Variants in PROX2 observed in about 807,000 individuals in gnomAD.
PROX2 encodes the protein prospero homeobox 2, also known as prospero homeobox protein 2.
Under a neutral mutation model 48.9 loss-of-function variants are expected in PROX2, and 46 were observed. The observed-to-expected ratio is 0.94, with a 90% CI of 0.74 to 1.20. The LOEUF is 1.20. Among genes scored for constraint, PROX2 ranks in the 50% most tolerant of loss-of-function variants. The pLI is 0.00. For synonymous variants in PROX2, 260 were observed against 276.6 expected (o/e 0.94, Z 0.60); for missense variants, 663 against 719.4 (o/e 0.92, Z 0.90).
At chr14:74,864,796 T>C (rs6574198) in intron 2 of PROX2, among the ~76,000 whole-genome samples, 97,412 of 150,618 alleles carry the variant, frequency 0.65, 33,414 homozygotes, top group African/African-American at 0.91. Context: ...GAGCCAAGAT[T>C]GCCCCGTTGC....
At chr14:74,872,917 C>T (rs1883249326) in intron 1 of PROX2, among the ~76,000 whole-genome samples, 1 of 152,230 alleles carries the variant, frequency 6.6e-6, no homozygotes, top group East Asian at 1.9e-4. Context: ...TGGTGGTCTG[C>T]ATCAACCACT....
intron 4 of PROX2, chr14:74,857,248 T>A (rs2091751347): frequency 2.7e-6 from 1 of 372,812 alleles, no homozygotes; most frequent in Non-Finnish European, 4.8e-6. Flanking sequence ...TGGGGGTTGT[T>A]TTACCCATGA....
intron 1 of PROX2, chr14:74,874,063 G>A (rs992921351): frequency 3.3e-5 from 17 of 522,666 alleles, no homozygotes; most frequent in South Asian, 1.1e-4. Context: ...TTATGAATCC[G>A]CCTTTTGGGA....
rs188448941 is a variant in PROX2 at position 74,868,309 on chromosome 14, G to A, written c.-175+2794C>T. 1.7e-3 allele frequency among the ~76,000 whole-genome samples: 126 copies of A among 74,234 alleles called. 4 individuals are homozygous for A. The East Asian group carries it at 0.047, about 28-fold the overall frequency. 48.7% of individuals were successfully genotyped at this position (74,234 alleles called of 152,430 possible). A position where few individuals can be genotyped will look rare whatever the true frequency, so the allele number is the denominator to read the frequency against. The stretch of plus-strand genomic sequence containing the variant: ...TGTACAGAGAAGTTTATAATTTCTC[G>A]TAATTATATATATATATATATATAT... On this transcript the variant is annotated intron_variant, in intron 2 of 5. Coordinates refer to ENST00000556489, the MANE Select transcript of PROX2 (RefSeq NM_001243007.2).
In PROX2 at chr14:74,853,402, G is replaced by C. The variant is rs1279954291; in HGVS notation, c.*1730C>G. On this transcript the variant is annotated 3_prime_UTR_variant, in exon 6 of 6. Transcript: ENST00000556489. ...CATGCTTGCCTGTGTTTAAAACTTAGGTTTGGCAGATTCCTTCATTTTTGT... is the reference window on the plus strand; with the variant it reads ...CATGCTTGCCTGTGTTTAAAACTTACGTTTGGCAGATTCCTTCATTTTTGT... 1 of 152,210 alleles carries C rather than the reference G, an allele frequency of 6.6e-6. No homozygotes were observed. The highest frequency in any genetic ancestry group is 1.5e-5 in the Non-Finnish European group (1 of 68,064). 9.4% of individuals were successfully genotyped at this position (152,210 alleles called of 1,614,324 possible).
chr14:74,861,854 G>C (rs1480525432), intron 3 of PROX2, among the ~76,000 whole-genome samples: 1 of 152,196 alleles, frequency 6.6e-6, no homozygotes, highest in Non-Finnish European at 1.5e-5. Flanking sequence ...CTATGGGGTT[G>C]GGGAGGCCAT....
intron 1 of PROX2, chr14:74,873,930 G>T: frequency 4.2e-6 from 2 of 473,314 alleles, no homozygotes; most frequent in Admixed American, 2.3e-5. Flanking sequence ...ATTTGACAGA[G>T]ATGAAGATGT....
chr14:74,870,564 TC>T (rs1052144669), intron 2 of PROX2, among the ~76,000 whole-genome samples: 104 of 152,144 alleles, frequency 6.8e-4, no homozygotes, highest in Non-Finnish European at 1.3e-3. Context: ...TTTTTATTTT[TC>T]TGAATTTTCT....
intron 3 of PROX2, among the ~76,000 whole-genome samples, chr14:74,860,249 C>T (rs1211758297): frequency 6.6e-6 from 1 of 152,232 alleles, no homozygotes; most frequent in Non-Finnish European, 1.5e-5. Context: ...CATTAATTAA[C>T]ATCCACAGCT....
rs761631552 is a variant in PROX2, at chr14:74,855,132, C to CT, written c.1778dup (p.Ter593=). Residue 593 remains the stop codon, a frameshift_variant and stop_retained_variant, in exon 6 of 6, where the codon TAG becomes TAAG. Transcript: ENST00000556489. LOFTEE classifies it high-confidence loss of function. ...TTGTGGGATCTTAACCCCGAAACAG[C>CT]TACTGGGGATAGCTGGAAGATTTGA... ...EIFKSSSYPQ[*] 5.2e-6 allele frequency: 8 copies of CT among 1,549,246 alleles called. No individual in the cohort carries two copies. In the Admixed American group the frequency reaches 1.4e-4, roughly 27 times the overall value.
At position 74,857,081 on chromosome 14, in the gene PROX2, G is replaced by A. The variant is rs113409961; in HGVS notation, c.1414-86C>T. ...TGTCTGCTTCCAGCTCAGTATAGGGGTTCATATACGGCTTTAACCAGCATT... is the reference window on the plus strand; with the variant it reads ...TGTCTGCTTCCAGCTCAGTATAGGGATTCATATACGGCTTTAACCAGCATT... On this transcript the variant is annotated intron_variant, in intron 4 of 5. Transcript: ENST00000556489. 282 of 1,084,664 alleles carry A rather than the reference G, an allele frequency of 2.6e-4. 1 individual carries two copies. In the African/African-American group the frequency reaches 3.7e-3, roughly 14 times the overall value. 67.2% of individuals were successfully genotyped at this position (1,084,664 alleles called of 1,614,324 possible).
At position 74,854,461 on chromosome 14, in the gene PROX2, A is replaced by G. The variant is rs377010267; in HGVS notation, c.*671T>C. The G allele has an allele frequency of 5.1e-5, 12 of 233,914 alleles. No homozygotes were observed. The highest frequency in any genetic ancestry group is 2.6e-4 in the African/African-American group (11 of 43,020). The allele number at this position is 233,914 out of a possible 1,614,324, so 14.5% of individuals were successfully genotyped here. On this transcript the variant is annotated 3_prime_UTR_variant, in exon 6 of 6. Coordinates refer to ENST00000556489, the MANE Select transcript of PROX2 (RefSeq NM_001243007.2). ...GTTAGCTGCAGGAGATGGGTCCAGC[A>G]TGCAGTTGGGCATCAGAAAGTCTTG...
intron 2 of PROX2, among the ~76,000 whole-genome samples, chr14:74,869,215 A>G (rs891250229): frequency 2.6e-5 from 4 of 152,050 alleles, no homozygotes; most frequent in South Asian, 2.1e-4. Context: ...TTCTTTTCCA[A>G]CTGTCCTCCA....
At chr14:74,858,842 TTGTGTGTGTGTGTGTG>T (rs199587376) in intron 3 of PROX2, 76 of 162,218 alleles carry the variant, frequency 4.7e-4, no homozygotes, top group Middle Eastern at 2.3e-3. Context: ...GGTTGGTGTA[TTGTGTGTGTGTGTGTG>T]TGTGTGTGTG....
In PROX2 at chr14:74,854,220, A is replaced by G. The variant is rs966650962; in HGVS notation, c.*912T>C. 3 of 453,812 alleles carry G rather than the reference A, an allele frequency of 6.6e-6. No homozygotes were observed. In the Admixed American group the frequency reaches 7.2e-5, roughly 11 times the overall value. The allele number at this position is 453,812 out of a possible 1,614,324, so 28.1% of individuals were successfully genotyped here. On this transcript the variant is annotated 3_prime_UTR_variant, in exon 6 of 6. Coordinates refer to ENST00000556489, the MANE Select transcript of PROX2 (RefSeq NM_001243007.2). ...CAATTGCAATGGTCAGCTGGAGACTATTTGCATTATCCAGCTGATAAACTC... is the reference window on the plus strand; with the variant it reads ...CAATTGCAATGGTCAGCTGGAGACTGTTTGCATTATCCAGCTGATAAACTC...
intron 3 of PROX2, chr14:74,861,062 CTT>C: frequency 2.3e-6 from 1 of 432,622 alleles, no homozygotes; most frequent in Non-Finnish European, 4.4e-6. Flanking sequence ...TCCAGGAAAG[CTT>C]TGGGGTGTTT....
At chr14:74,867,845 C>T (rs1422619458) in intron 2 of PROX2, among the ~76,000 whole-genome samples, 1 of 152,250 alleles carries the variant, frequency 6.6e-6, no homozygotes, top group Non-Finnish European at 1.5e-5. Flanking sequence ...TTTAATGAAG[C>T]AACAATGAAC....
rs2091802933 is a variant in PROX2, at chr14:74,862,573, CCT to C, written c.1260_1261del (p.Gly421ProfsTer48). The C allele has an allele frequency of 1.2e-6, 2 of 1,613,792 alleles. No homozygotes were observed. Among genetic ancestry groups the C allele is most frequent in the Non-Finnish European group, 8.5e-7 (1 of 1,179,874 alleles). On this transcript the variant is annotated frameshift_variant, in exon 3 of 6. Transcript: ENST00000556489. LOFTEE classifies it high-confidence loss of function. ...CAGTGCCTCCATGACAGCATGCAGG[CCT>C]CTCTGTTCCATCTTCACCGAGGGAA... is the stretch of plus-strand genomic sequence containing the variant.
In PROX2 at chr14:74,856,860, G is replaced by T. The variant is rs752087101; in HGVS notation, c.1549C>A (p.Arg517Ser). Reference sequence around the variant, plus strand: ...AGAGCTTGAAAAAGTTCTGAATTGCGGAGAACCACCAGCATTTTGGGATTT... The same window carrying T: ...AGAGCTTGAAAAAGTTCTGAATTGCTGAGAACCACCAGCATTTTGGGATTT... ...VTNPKMLVVL[R>S]NSELFQALNM... Residue 517 changes from arginine to serine, a missense_variant, in exon 5 of 6, where the codon CGC (arginine) becomes AGC (serine). Physicochemically the swap from Arg to Ser is moderately radical, Grantham distance 110. Transcript: ENST00000556489. The T allele has an allele frequency of 2.5e-6, 4 of 1,613,940 alleles. No individual in the cohort carries two copies. The highest frequency in any genetic ancestry group is 3.4e-6 in the Non-Finnish European group (4 of 1,179,868).
Sources: gnomAD v4.1 joint callset for allele counts (sites outside exome capture counted in the v4.1 genomes callset) on GRCh38, gnomAD v4.1.1 for gene constraint, MANE v1.5 for transcripts, NCBI Gene and HGNC (gene_info 2026-07-23, HGNC 2026-07-21) for gene names.